Variants in HVCN1 observed in about 807,000 individuals in gnomAD.
The protein encoded by HVCN1 is voltage-gated hydrogen channel 1.
HVCN1 carries 14 observed loss-of-function variants against 29.2 expected under a neutral mutation model. The ratio of observed to expected loss-of-function variants is 0.48; its 90% confidence interval spans 0.32 to 0.75. HVCN1 has a LOEUF of 0.75. Among genes scored for constraint, HVCN1 ranks in the 30% least tolerant of loss-of-function variants. HVCN1 has a pLI of 0.04. For missense variants in HVCN1, 263 were observed against 341.8 expected (o/e 0.77, Z 1.82); for synonymous variants, 131 against 133.2 (o/e 0.98, Z 0.11).
Position 110,658,869 on chromosome 12 carries a change from AGGCATTC to A in HVCN1, c.306+2288_306+2294del, listed in dbSNP as rs2068072207. On this transcript the variant is annotated intron_variant, in intron 4 of 7. Transcript: ENST00000242607. The surrounding 1 kb of genome is among the most constrained non-coding windows in gnomAD (Gnocchi z 5.0). ...TAAACACCTCCACTCACTTTATGAC[AGGCATTC>A]GTCTTTTTCCCCAGCAGGAGTATCT... Among the ~76,000 whole-genome samples, 1 of 152,244 alleles carries A rather than the reference AGGCATTC, an allele frequency of 6.6e-6. No homozygotes were observed. Among genetic ancestry groups the A allele is most frequent in the Non-Finnish European group, 1.5e-5 (1 of 68,042 alleles).
At chr12:110,675,329 C>T (rs1322295554) in intron 3 of HVCN1, among the ~76,000 whole-genome samples, 1 of 152,138 alleles carries the variant, frequency 6.6e-6, no homozygotes, top group Admixed American at 6.5e-5. Context: ...CGTGGTGGCG[C>T]ATGCCTGTAG....
At chr12:110,693,731 CATCT>C (rs898645317), upstream of HVCN1, among the ~76,000 whole-genome samples, 15 of 151,998 alleles carry the variant, frequency 9.9e-5, no homozygotes, top group African/African-American at 3.6e-4. Flanking sequence ...ATAAGAACTC[CATCT>C]ATTTATTACA....
rs1294773434 is a variant in HVCN1 at position 110,676,239 on chromosome 12, AC to A, written c.21+6985del. ...CCACCCTCTGCCACTGCCCTGGCCA[AC>A]CCCCTGCCTCACTTGGAGGCTGTCG... On this transcript the variant is annotated intron_variant, in intron 3 of 7. Transcript: ENST00000242607. The surrounding 1 kb of genome is among the most constrained non-coding windows in gnomAD (Gnocchi z 4.1). 1.3e-5 allele frequency among the ~76,000 whole-genome samples: 2 copies of A among 152,072 alleles called. No individual in the cohort carries two copies. Among genetic ancestry groups the A allele is most frequent in the African/African-American group, 2.4e-5 (1 of 41,400 alleles).
At chr12:110,691,471 T>C (rs1175355988), upstream of HVCN1, among the ~76,000 whole-genome samples, 4 of 152,154 alleles carry the variant, frequency 2.6e-5, no homozygotes, top group African/African-American at 4.8e-5. Context: ...CATTTTCAAC[T>C]TCAACTTCCT....
At chr12:110,697,218 C>T (rs2069506981) in intron 2 of HVCN1, among the ~76,000 whole-genome samples, 1 of 151,990 alleles carries the variant, frequency 6.6e-6, no homozygotes, top group Admixed American at 6.6e-5. Flanking sequence ...GGCAGAGAGG[C>T]TTGGGCGTCA....
At chr12:110,663,587 C>CAAAAAAAAAAAAAAAAA (rs1182792368) in intron 3 of HVCN1, among the ~76,000 whole-genome samples, 13 of 25,830 alleles carry the variant, frequency 5.0e-4, no homozygotes, top group Middle Eastern at 0.024. Flanking sequence ...GACGCTGTCT[C>CAAAAAAAAAAAAAAAAA]AAAAAAAAAA....
chr12:110,655,287 G>C lies in HVCN1; in HGVS notation c.358C>G (p.Leu120Val). ...VLDALLVLAE[L>V]ILDLKIIQPD... is the part of the protein sequence containing the mutation. ...TGGATGATCTTCAGGTCCAGGATGA[G>C]CTCAGCAAGCACCAGGAGGGCATCC... Residue 120 changes from leucine (L) to valine (V), a missense_variant, in exon 5 of 8, where the codon CTC (leucine) becomes GTC (valine). Leu to Val is a conservative substitution (Grantham distance 32). Around this residue, in one of 3 missense-constraint regions of HVCN1, gnomAD observed 157 missense variants for 181.3 expected, o/e 0.87. Transcript: ENST00000242607. The C allele has an allele frequency of 1.2e-6, 2 of 1,613,868 alleles. No homozygotes were observed. Among genetic ancestry groups the C allele is most frequent in the Non-Finnish European group, 1.7e-6 (2 of 1,179,930 alleles).
chr12:110,655,187 C>T (rs1200845698), intron 5 of HVCN1, 47 bp downstream of exon 5: 4 of 1,456,184 alleles, frequency 2.7e-6, no homozygotes, highest in Non-Finnish European at 3.9e-6. Flanking sequence ...GCAGATAACA[C>T]AAGCAAAACA....
intron 4 of HVCN1, 72 bp from the exon 5 acceptor site, chr12:110,655,410 C>G (rs1264460651): frequency 1.6e-6 from 2 of 1,224,646 alleles, no homozygotes; most frequent in Non-Finnish European, 2.4e-6. Flanking sequence ...TCATTAAGAG[C>G]TGGCTTGGAA....
chr12:110,693,281 T>C (rs944496105), upstream of HVCN1, among the ~76,000 whole-genome samples: 1 of 152,130 alleles, frequency 6.6e-6, no homozygotes. Context: ...CGGTGGCTCA[T>C]GCCTGTAATC....
At chr12:110,675,551 T>C (rs1465812021) in intron 3 of HVCN1, among the ~76,000 whole-genome samples, 1 of 152,138 alleles carries the variant, frequency 6.6e-6, no homozygotes, top group Non-Finnish European at 1.5e-5. Flanking sequence ...TTCTTTTCTC[T>C]GCCAATACAG....
upstream of HVCN1, among the ~76,000 whole-genome samples, chr12:110,690,237 C>A (rs78743836): frequency 9.7e-4 from 148 of 152,274 alleles, 3 homozygotes; most frequent in African/African-American, 3.5e-3. Context: ...CTTCTCCCTT[C>A]TAAGGAGCCC....
intron 5 of HVCN1, 41 bp downstream of exon 5, chr12:110,655,193 A>G: frequency 6.7e-7 from 1 of 1,499,034 alleles, no homozygotes; most frequent in Admixed American, 1.7e-5. Context: ...AACACAAGCA[A>G]AACATATCAG....
chr12:110,682,877 C>T (rs769444436), intron 3 of HVCN1: 35 of 285,550 alleles, frequency 1.2e-4, no homozygotes, highest in Non-Finnish European at 1.6e-4. Context: ...GCAGGAAAAT[C>T]GCTTGAACCC....
intron 2 of HVCN1, among the ~76,000 whole-genome samples, chr12:110,699,603 C>T (rs1355647837): frequency 6.6e-6 from 1 of 151,970 alleles, no homozygotes; most frequent in Non-Finnish European, 1.5e-5. Flanking sequence ...ACTCGAAGTG[C>T]GGGAGGCAGA....
chr12:110,677,981 A>G (rs2068803007), intron 3 of HVCN1, among the ~76,000 whole-genome samples: 2 of 152,252 alleles, frequency 1.3e-5, no homozygotes, highest in Admixed American at 6.5e-5. Flanking sequence ...ACATATTTAC[A>G]GGAGTAGGAA....
chr12:110,672,445 T>G (rs1230720838), intron 3 of HVCN1, among the ~76,000 whole-genome samples: 2 of 152,176 alleles, frequency 1.3e-5, no homozygotes, highest in African/African-American at 4.8e-5. Context: ...ACCACACCAC[T>G]GTGTGGCAGG....
intron 5 of HVCN1, 81 bp from the exon 6 acceptor site, chr12:110,651,529 A>G: frequency 1.1e-6 from 1 of 870,000 alleles, no homozygotes; most frequent in Admixed American, 1.9e-5. Context: ...CTGCCTGGTC[A>G]CCAGCAAGAG....
intron 3 of HVCN1, among the ~76,000 whole-genome samples, chr12:110,667,545 A>G (rs1566043866): frequency 6.6e-6 from 1 of 152,114 alleles, no homozygotes; most frequent in Non-Finnish European, 1.5e-5. Flanking sequence ...TCCTCCCACA[A>G]AAGCCTCCTG....
Sources: allele counts gnomAD v4.1 joint callset (sites outside exome capture counted in the v4.1 genomes callset), GRCh38; gene constraint gnomAD v4.1.1; regional missense constraint gnomAD v4.1.1; non-coding constraint Gnocchi (gnomAD v3.1); transcripts MANE v1.5; gene names NCBI Gene and HGNC (gene_info 2026-07-23, HGNC 2026-07-21).